CACNA1B: variants seen among roughly 807,000 people sequenced by gnomAD.
CACNA1B encodes calcium voltage-gated channel subunit alpha1 B.
CACNA1B carries 70 observed loss-of-function variants against 247.2 expected under a neutral mutation model. That is an observed-to-expected ratio of 0.28 (90% CI 0.23 to 0.35). CACNA1B has a LOEUF of 0.35. Ranked by LOEUF, CACNA1B falls within the 10% of genes least tolerant of loss-of-function variation. CACNA1B has a pLI of 1.00. For missense variants in CACNA1B, 2,367 were observed against 3,197.4 expected (o/e 0.74, Z 6.26); for synonymous variants, 1,231 against 1,294.4 (o/e 0.95, Z 1.05).
At chr9:138,114,935 A>G (rs1961801492) in intron 41 of CACNA1B, among the ~76,000 whole-genome samples, 1 of 152,160 alleles carries the variant, frequency 6.6e-6, no homozygotes, top group Non-Finnish European at 1.5e-5. Context: ...TTGGGGACCC[A>G]TCTTCCCGAT....
intron 15 of CACNA1B, 132 bp from the exon 16 acceptor site, chr9:138,006,635 C>T: frequency 1.5e-6 from 1 of 650,784 alleles, no homozygotes; most frequent in Non-Finnish European, 2.9e-6. Context: ...CATCTAAAGA[C>T]CTGGATGTGC....
intron 9 of CACNA1B, 21 bp downstream of exon 9, chr9:137,956,848 C>A: frequency 6.2e-7 from 1 of 1,607,482 alleles, no homozygotes; most frequent in Non-Finnish European, 8.5e-7. Context: ...CTTGCTGGTA[C>A]TCCTGTGTGG....
chr9:137,932,231 C>A lies in CACNA1B; in HGVS notation c.966+14800C>A, dbSNP rs575172514. On this transcript the variant is annotated intron_variant, in intron 6 of 46. Coordinates refer to ENST00000371372, the MANE Select transcript of CACNA1B (RefSeq NM_000718.4). ...AGGGAGATTGCAAGCCTGCTAACTC[C>A]CGTTTCTACTCTTGCTGTTCTTCCT... Among the ~76,000 whole-genome samples the A allele has an allele frequency of 7.2e-5, 11 of 152,214 alleles. No homozygotes were observed. In the South Asian group the frequency reaches 2.3e-3, roughly 32 times the overall value.
At chr9:137,916,813 C>T (rs1352287905) in intron 5 of CACNA1B, among the ~76,000 whole-genome samples, 1 of 151,438 alleles carries the variant, frequency 6.6e-6, no homozygotes, top group Non-Finnish European at 1.5e-5. Context: ...GAGGTACAGT[C>T]AGCGTGGTGG....
chr9:137,912,199 C>CG lies in CACNA1B; in HGVS notation c.531-979dup, dbSNP rs1396841582. 3.3e-5 allele frequency among the ~76,000 whole-genome samples: 5 copies of CG among 152,320 alleles called. No homozygotes were observed. In the South Asian group the frequency reaches 6.2e-4, roughly 19 times the overall value. On this transcript the variant is annotated intron_variant, in intron 3 of 46. Coordinates refer to ENST00000371372, the MANE Select transcript of CACNA1B (RefSeq NM_000718.4). ...ATTAAAGATACACACTTGGGAATAA[C>CG]GGACATGCGTGATACTCAAAGCTAT...
At chr9:138,063,200 A>G (rs1308468686) in intron 31 of CACNA1B, among the ~76,000 whole-genome samples, 1 of 151,946 alleles carries the variant, frequency 6.6e-6, no homozygotes, top group Non-Finnish European at 1.5e-5. Flanking sequence ...AGGCCAAGGC[A>G]GGGAACGTCT....
chr9:138,075,984 T>A, intron 35 of CACNA1B, 74 bp downstream of exon 35: 2 of 1,020,678 alleles, frequency 2.0e-6, no homozygotes, highest in Non-Finnish European at 3.0e-6. Flanking sequence ...TGAAGAAGGC[T>A]GGGTGTCAAC....
intron 10 of CACNA1B, among the ~76,000 whole-genome samples, chr9:137,970,998 A>G (rs548186954): frequency 2.5e-4 from 38 of 152,324 alleles, no homozygotes; most frequent in African/African-American, 8.9e-4. Context: ...TCTGTGGGCT[A>G]TGCTGAAGAG....
At position 138,102,798 on chromosome 9, in the gene CACNA1B, T is replaced by C. The variant is rs1589129555; in HGVS notation, c.5310T>C (p.Val1770=). The C allele has an allele frequency of 6.2e-7, 1 of 1,609,684 alleles. No individual in the cohort carries two copies. The highest frequency in any genetic ancestry group is 1.3e-5 in the African/African-American group (1 of 74,798). The change falls in exon 38 of 47, where the codon GTT becomes GTC. Residue 1770 remains valine, a synonymous_variant. Transcript: ENST00000371372. This position sits in a 1 kb window ranked among gnomAD's most constrained non-coding sequence, Gnocchi z 5.4. ...LGLGKKCPAR[V]AYKRLVRMNM... ...TGGGGAAGAAATGCCCTGCTCGAGT[T>C]GCTTACAAGGTAGACCCTGACCCTG...
chr9:138,051,950 G>A lies in CACNA1B; in HGVS notation c.3711-142G>A, dbSNP rs1959297105. 1 of 579,842 alleles carries A rather than the reference G, an allele frequency of 1.7e-6. No individual in the cohort carries two copies. Among genetic ancestry groups the A allele is most frequent in the Non-Finnish European group, 3.1e-6 (1 of 320,038 alleles). 35.9% of individuals were successfully genotyped at this position (579,842 alleles called of 1,614,324 possible). A position where few individuals can be genotyped will look rare whatever the true frequency, so the allele number is the denominator to read the frequency against. On this transcript the variant is annotated intron_variant, in intron 24 of 46. Coordinates refer to ENST00000371372, the MANE Select transcript of CACNA1B (RefSeq NM_000718.4). This position sits in a 1 kb window ranked among gnomAD's most constrained non-coding sequence, Gnocchi z 4.3. ...GTGGCCTGTGGCACCTGCAGGGCAA[G>A]GCCTCTCTGCTCCTGGGTCCTCCAC...
intron 6 of CACNA1B, among the ~76,000 whole-genome samples, chr9:137,949,768 G>T (rs185664969): frequency 1.3e-5 from 2 of 152,148 alleles, no homozygotes; most frequent in Admixed American, 6.5e-5. Flanking sequence ...GTTGAATGAG[G>T]TCCACCCCAC....
chr9:138,099,499 G>A (rs947325698), intron 37 of CACNA1B, among the ~76,000 whole-genome samples: 4 of 151,090 alleles, frequency 2.6e-5, no homozygotes, highest in Non-Finnish European at 4.4e-5. Flanking sequence ...GTGTGCCTGT[G>A]GTGTGCACGT....
intron 6 of CACNA1B, among the ~76,000 whole-genome samples, chr9:137,947,021 G>T (rs1957804879): frequency 6.6e-6 from 1 of 152,186 alleles, no homozygotes; most frequent in African/African-American, 2.4e-5. Flanking sequence ...GTGGGAGTGG[G>T]CTCAAACAAG....
intron 3 of CACNA1B, among the ~76,000 whole-genome samples, chr9:137,912,348 G>A (rs1172420143): frequency 6.6e-6 from 1 of 152,208 alleles, no homozygotes; most frequent in Non-Finnish European, 1.5e-5. Flanking sequence ...ACAGGAGAGA[G>A]TTGGCCTAAG....
intron 15 of CACNA1B, among the ~76,000 whole-genome samples, chr9:137,995,288 A>G (rs1049448055): frequency 2.0e-5 from 3 of 152,188 alleles, no homozygotes; most frequent in Non-Finnish European, 2.9e-5. Context: ...AAACTACGAT[A>G]TAAGGTCATA....
chr9:138,104,323 G>A (rs570302120), intron 38 of CACNA1B, among the ~76,000 whole-genome samples: 5 of 152,284 alleles, frequency 3.3e-5, no homozygotes, highest in African/African-American at 4.8e-5. Context: ...TGCCCTGGGC[G>A]GAGCTCTTCC....
At chr9:137,942,202 A>G (rs1173494678) in intron 6 of CACNA1B, among the ~76,000 whole-genome samples, 2 of 152,226 alleles carry the variant, frequency 1.3e-5, no homozygotes, top group Non-Finnish European at 2.9e-5. Context: ...AGATATACAA[A>G]TGGCCAACAA....
Position 138,057,037 on chromosome 9 carries a change from G to A in CACNA1B, c.3969-695G>A, listed in dbSNP as rs940637604. Among the ~76,000 whole-genome samples the A allele has an allele frequency of 5.5e-5, 8 of 145,304 alleles. No homozygotes were observed. Among genetic ancestry groups the A allele is most frequent in the African/African-American group, 1.3e-4 (5 of 38,198 alleles). ...TGCAGGCTCCACCTCCCGGGTTCAC[G>A]CCATTCTCCTGCCTCAGCCTCCCGA... On this transcript the variant is annotated intron_variant, in intron 26 of 46. Transcript: ENST00000371372. This position sits in a 1 kb window ranked among gnomAD's most constrained non-coding sequence, Gnocchi z 4.0.
Position 138,051,175 on chromosome 9 carries a change from C to T in CACNA1B, c.3711-917C>T, listed in dbSNP as rs1490561693. On this transcript the variant is annotated intron_variant, in intron 24 of 46. Transcript: ENST00000371372. The surrounding 1 kb of genome is among the most constrained non-coding windows in gnomAD (Gnocchi z 4.3). ...CGGGGGCCGCCTTAGGAGGAAATCT[C>T]TCCTAGACACTGCTGGCCCGGCCTC... Among the ~76,000 whole-genome samples, 1 of 152,092 alleles carries T rather than the reference C, an allele frequency of 6.6e-6. No homozygotes were observed. The highest frequency in any genetic ancestry group is 2.4e-5 in the African/African-American group (1 of 41,426).
Sources: allele counts gnomAD v4.1 joint callset (sites outside exome capture counted in the v4.1 genomes callset), GRCh38; gene constraint gnomAD v4.1.1; non-coding constraint Gnocchi (gnomAD v3.1); transcripts MANE v1.5; gene names NCBI Gene and HGNC (gene_info 2026-07-23, HGNC 2026-07-21).